The following TSPOAP1 variants were observed in gnomAD, a reference collection of about 807,000 sequenced individuals.
TSPOAP1 encodes the protein peripheral-type benzodiazepine receptor-associated protein 1.
TSPOAP1 carries 87 observed loss-of-function variants against 197.0 expected under a neutral mutation model. That is an observed-to-expected ratio of 0.44 (90% CI 0.37 to 0.53). The LOEUF (loss-of-function observed/expected upper bound fraction) is 0.53, where lower values mean the gene tolerates loss of function less well. TSPOAP1 is among the 20% of genes least tolerant of loss of function. The pLI is 0.00. For missense variants in TSPOAP1, 2,174 were observed against 2,411.3 expected, an observed-to-expected ratio of 0.90 and a Z score of 2.06; for synonymous variants, 913 against 998.9, an observed-to-expected ratio of 0.91 and a Z score of 1.62.
Position 58,324,908 on chromosome 17 carries a change from C to G in TSPOAP1, c.845G>C (p.Arg282Pro). The change falls in exon 5 of 32, where the codon CGC (arginine) becomes CCC (proline). Residue 282 changes from arginine (R) to proline (P), a missense_variant. By Grantham distance (103) the Arg-to-Pro change is moderately radical (BLOSUM62 -2). Transcript: ENST00000343736. This position sits in a 1 kb window ranked among gnomAD's most constrained non-coding sequence, Gnocchi z 5.8. ...VLRLQRQIAL[R>P]NQRETLPLPP... The stretch of plus-strand genomic sequence containing the variant: ...GAGCGGGAGCGTCTCCCGCTGGTTG[C>G]GCAGCGCGATCTGCCTCTGCAGCCG... The G allele has an allele frequency of 6.5e-7, 1 of 1,536,142 alleles. No homozygotes were observed. Among genetic ancestry groups the G allele is most frequent in the Non-Finnish European group, 8.7e-7 (1 of 1,145,510 alleles).
chr17:58,305,391 T>C lies in TSPOAP1; in HGVS notation c.5429A>G (p.Tyr1810Cys). ...CCTCCCCAACAATGTTCTCACATAG[T>C]AGAAACCGTCATCGTCCATGCCCCC... ...VFGGMDDDGF[Y>C]YGELNGQRGL... The change falls in exon 29 of 32, where the codon TAC becomes TGC. Residue 1810 changes from tyrosine (Y) to cysteine (C), a missense_variant. Coordinates refer to ENST00000343736, the MANE Select transcript of TSPOAP1 (RefSeq NM_004758.4). 3.1e-6 allele frequency: 5 copies of C among 1,613,976 alleles called. No homozygotes were observed. Among genetic ancestry groups the C allele is most frequent in the Non-Finnish European group, 4.2e-6 (5 of 1,179,950 alleles).
chr17:58,323,439 C>T, intron 6 of TSPOAP1, 29 bp downstream of exon 6: 3 of 1,614,238 alleles, frequency 1.9e-6, no homozygotes, highest in Non-Finnish European at 2.5e-6. Context: ...CCACAGCAGG[C>T]TGCCTCCAGC....
chr17:58,309,709 C>T lies in TSPOAP1; in HGVS notation c.3891+258G>A, dbSNP rs1182267758. On this transcript the variant is annotated intron_variant, in intron 21 of 31. Coordinates refer to ENST00000343736, the MANE Select transcript of TSPOAP1 (RefSeq NM_004758.4). The surrounding 1 kb of genome is among the most constrained non-coding windows in gnomAD (Gnocchi z 5.0). ...CACAAGGATCTTAGGTGGCACCGGC[C>T]TCCCCTGGCCAGGGCGCTGTATCTG... is the stretch of plus-strand genomic sequence containing the variant. Among the ~76,000 whole-genome samples the T allele has an allele frequency of 2.0e-5, 3 of 152,236 alleles. No homozygotes were observed. Among genetic ancestry groups the T allele is most frequent in the Non-Finnish European group, 4.4e-5 (3 of 68,040 alleles).
Position 58,327,666 on chromosome 17 carries a change from G to A in TSPOAP1, c.255C>T (p.Pro85=). 2 of 1,613,724 alleles carry A rather than the reference G, an allele frequency of 1.2e-6. No individual in the cohort carries two copies. Among genetic ancestry groups the A allele is most frequent in the Non-Finnish European group, 1.7e-6 (2 of 1,180,026 alleles). ...TDPEGAEACL[P]SLGQQASSSG... is the part of the protein sequence containing the mutation. Reference sequence around the variant, plus strand: ...AGCTGGATGCTTGCTGGCCCAGGCTGGGCAGACAAGCCTCTGCTCCTTCAG... The same window carrying A: ...AGCTGGATGCTTGCTGGCCCAGGCTAGGCAGACAAGCCTCTGCTCCTTCAG... The change falls in exon 1 of 32, where the codon CCC becomes CCT. Residue 85 remains proline, a synonymous_variant. Coordinates refer to ENST00000343736, the MANE Select transcript of TSPOAP1 (RefSeq NM_004758.4).
chr17:58,310,237 C>A lies in TSPOAP1; in HGVS notation c.3700-79G>T, dbSNP rs1220177482. On this transcript the variant is annotated intron_variant, in intron 20 of 31. Transcript: ENST00000343736. ...GGTTCCAGGCAGGGTCAGCCCCAGC[C>A]ACAGTAACAAGGGTCCTTTGGCAGA... 3.8e-5 allele frequency: 55 copies of A among 1,435,392 alleles called. No homozygotes were observed. In the East Asian group the frequency reaches 1.2e-3, roughly 31 times the overall value. The allele number at this position is 1,435,392 out of a possible 1,614,324, so 88.9% of individuals were successfully genotyped here.
intron 25 of TSPOAP1, 153 bp downstream of exon 25, chr17:58,306,647 T>C: frequency 9.5e-7 from 1 of 1,052,338 alleles, no homozygotes; most frequent in African/African-American, 1.6e-5. Flanking sequence ...CCACGTACAG[T>C]CTGACCACTA....
In TSPOAP1 at chr17:58,318,467, G is replaced by A; in HGVS notation, c.1700-15C>T. 1.9e-6 allele frequency: 3 copies of A among 1,607,280 alleles called. No individual in the cohort carries two copies. The highest frequency in any genetic ancestry group is 2.5e-6 in the Non-Finnish European group (3 of 1,177,332). On this transcript the variant is annotated splice_polypyrimidine_tract_variant and intron_variant, in intron 13 of 31. Coordinates refer to ENST00000343736, the MANE Select transcript of TSPOAP1 (RefSeq NM_004758.4). The stretch of plus-strand genomic sequence containing the variant: ...GAGGTCAAGGTCTAAAGAGAAGATG[G>A]CACGTGGGCTTGGGGTCTGTGGCCT...
In TSPOAP1 at chr17:58,312,066, C is replaced by T; in HGVS notation, c.2755G>A (p.Glu919Lys). Reference protein sequence around the residue: ...LAHAIYLNGEECPPASPSTYW... With the variant: ...LAHAIYLNGEKCPPASPSTYW... ...GTACTGGGGCTGGCAGGTGGGCACT[C>T]TTCCCCATTGAGGTAGATGGCATGG... Residue 919 changes from glutamate (E) to lysine (K), a missense_variant, in exon 17 of 32, where the codon GAG becomes AAG. This residue lies in a region of TSPOAP1 where 1,933 missense variants were observed against 2,139.0 expected (regional missense o/e 0.90). Transcript: ENST00000343736. 3.1e-6 allele frequency: 5 copies of T among 1,613,446 alleles called. No individual in the cohort carries two copies. Among genetic ancestry groups the T allele is most frequent in the Non-Finnish European group, 4.2e-6 (5 of 1,179,956 alleles).
chr17:58,322,782 G>C lies in TSPOAP1; in HGVS notation c.1195-6C>G. On this transcript the variant is annotated splice_polypyrimidine_tract_variant and splice_region_variant and intron_variant, in intron 8 of 31. Coordinates refer to ENST00000343736, the MANE Select transcript of TSPOAP1 (RefSeq NM_004758.4). The surrounding 1 kb of genome is among the most constrained non-coding windows in gnomAD (Gnocchi z 5.0). Reference sequence around the variant, plus strand: ...TCCGCATTCTCCCACTCCACCTGGCGAGGGGGCAGTGACAGGGAGTTGGGT... The same window carrying C: ...TCCGCATTCTCCCACTCCACCTGGCCAGGGGGCAGTGACAGGGAGTTGGGT... 1 of 1,612,446 alleles carries C rather than the reference G, an allele frequency of 6.2e-7. No homozygotes were observed.
In TSPOAP1 at chr17:58,324,353, G is replaced by T. The variant is rs1203504447; in HGVS notation, c.942+458C>A. On this transcript the variant is annotated intron_variant, in intron 5 of 31. Coordinates refer to ENST00000343736, the MANE Select transcript of TSPOAP1 (RefSeq NM_004758.4). The surrounding 1 kb of genome is among the most constrained non-coding windows in gnomAD (Gnocchi z 5.8). The stretch of plus-strand genomic sequence containing the variant: ...CTAAGCCCCCCGCTCAGTGAGGGTT[G>T]CCTGTACCTGGAGCCGGGGCGGACG... 1.3e-5 allele frequency among the ~76,000 whole-genome samples: 2 copies of T among 152,272 alleles called. No homozygotes were observed. The highest frequency in any genetic ancestry group is 3.9e-4 in the East Asian group (2 of 5,166).
chr17:58,325,395 G>A (rs967881467), intron 4 of TSPOAP1, 139 bp downstream of exon 4: 14 of 1,115,392 alleles, frequency 1.3e-5, no homozygotes, highest in African/African-American at 1.5e-5. Flanking sequence ...CACCTGGGCC[G>A]TTGCCAGGGG....
chr17:58,327,985 C>A lies in TSPOAP1; in HGVS notation c.-65G>T, dbSNP rs1466357630. On this transcript the variant is annotated 5_prime_UTR_variant, in exon 1 of 32. Coordinates refer to ENST00000343736, the MANE Select transcript of TSPOAP1 (RefSeq NM_004758.4). ...TCACCCAGCCAGGTGGGGGGACTGG[C>A]GAGGGTCATGCCAGGCCAGCCCCTC... 1.4e-6 allele frequency: 2 copies of A among 1,409,774 alleles called. No homozygotes were observed. The highest frequency in any genetic ancestry group is 1.4e-5 in the African/African-American group (1 of 70,268). 87.3% of individuals were successfully genotyped at this position (1,409,774 alleles called of 1,614,324 possible).
At position 58,318,295 on chromosome 17, in the gene TSPOAP1, T is replaced by G. The variant is rs945130187; in HGVS notation, c.1857A>C (p.Ser619=). 5 of 1,614,032 alleles carry G rather than the reference T, an allele frequency of 3.1e-6. No individual in the cohort carries two copies. Among genetic ancestry groups the G allele is most frequent in the Non-Finnish European group, 3.4e-6 (4 of 1,180,008 alleles). The change falls in exon 14 of 32, where the codon TCA becomes TCC. Residue 619 remains serine, a synonymous_variant. Transcript: ENST00000343736. ...CAGCAATTACCTCAGGTGTAGGGCA[T>G]GACTTGGGGCTGTTGTGGATGGACT... The part of the protein sequence containing the change: ...HSESIHNSPK[S]CPTPEVDTAS...
chr17:58,313,001 C>G (rs890039198), intron 16 of TSPOAP1, among the ~76,000 whole-genome samples: 1 of 152,200 alleles, frequency 6.6e-6, no homozygotes, highest in Non-Finnish European at 1.5e-5. Context: ...CAGATTCTAA[C>G]TCGGTTGGGT....
rs554891706 is a variant in TSPOAP1, at chr17:58,324,290, G to T, written c.942+521C>A. 1.3e-5 allele frequency among the ~76,000 whole-genome samples: 2 copies of T among 152,314 alleles called. No homozygotes were observed. Among genetic ancestry groups the T allele is most frequent in the East Asian group, 1.9e-4 (1 of 5,180 alleles). On this transcript the variant is annotated intron_variant, in intron 5 of 31. Transcript: ENST00000343736. This position sits in a 1 kb window ranked among gnomAD's most constrained non-coding sequence, Gnocchi z 5.8. ...GAAGCCAGACCCTTAAGTTCTGGGG[G>T]TCCTAAGCGGGTCCCTGGCCCTCGA...
intron 25 of TSPOAP1, 133 bp downstream of exon 25, chr17:58,306,667 G>A: frequency 8.3e-7 from 1 of 1,205,286 alleles, no homozygotes; most frequent in Non-Finnish European, 1.2e-6. Context: ...ACGCAGCAGG[G>A]TTCAAGGCAG....
At chr17:58,307,497 C>G in intron 24 of TSPOAP1, 114 bp downstream of exon 24, 1 of 1,391,498 alleles carries the variant, frequency 7.2e-7, no homozygotes, top group East Asian at 2.5e-5. Flanking sequence ...GTCATCTGCT[C>G]TAGAAGCCAT....
chr17:58,323,056 G>A lies in TSPOAP1; in HGVS notation c.1105-17C>T, dbSNP rs1471874451. ...CTGCAGTTCCTGAGCGGGCAGAGGA[G>A]CTCTCAGGAGGGAGCCCAGCACCCA... On this transcript the variant is annotated splice_polypyrimidine_tract_variant and intron_variant, in intron 7 of 31. Transcript: ENST00000343736. The A allele has an allele frequency of 6.3e-7, 1 of 1,597,358 alleles. No individual in the cohort carries two copies. Among genetic ancestry groups the A allele is most frequent in the Non-Finnish European group, 8.5e-7 (1 of 1,171,872 alleles).
In TSPOAP1 at chr17:58,315,754, C is replaced by T. The variant is rs554298858; in HGVS notation, c.2098+269G>A. On this transcript the variant is annotated intron_variant, in intron 16 of 31. Coordinates refer to ENST00000343736, the MANE Select transcript of TSPOAP1 (RefSeq NM_004758.4). The stretch of plus-strand genomic sequence containing the variant: ...CCAAAATCTCCTGTGACACTCTCTC[C>T]ACCATCTGGACTATGCTGTCCTGTC... Among the ~76,000 whole-genome samples, 5 of 152,304 alleles carry T rather than the reference C, an allele frequency of 3.3e-5. No individual in the cohort carries two copies. The South Asian group carries it at 8.3e-4, about 25-fold the overall frequency.
Sources: gnomAD v4.1 joint callset for allele counts (sites outside exome capture counted in the v4.1 genomes callset) on GRCh38, gnomAD v4.1.1 for gene constraint, gnomAD v4.1.1 regional missense constraint, Gnocchi (gnomAD v3.1) non-coding constraint, MANE v1.5 for transcripts, NCBI Gene and HGNC (gene_info 2026-07-23, HGNC 2026-07-21) for gene names.